Variants in FOXP1 observed in about 807,000 individuals in gnomAD.
FOXP1 encodes the protein forkhead box P1.
In FOXP1, 15 loss-of-function variants were observed where a neutral mutation model predicts 98.2. That is an observed-to-expected ratio of 0.15 (90% CI 0.10 to 0.24). The LOEUF (loss-of-function observed/expected upper bound fraction) is 0.24, where lower values mean the gene tolerates loss of function less well. Ranked by LOEUF, FOXP1 falls within the 10% of genes least tolerant of loss-of-function variation. The pLI is 1.00. For synonymous variants in FOXP1, 371 were observed against 314.5 expected (o/e 1.18, Z -1.90); for missense variants, 633 against 848.5 (o/e 0.75, Z 3.15).
At chr3:71,179,424 A>C (rs2062152881) in intron 6 of FOXP1, among the ~76,000 whole-genome samples, 6 of 152,200 alleles carry the variant, frequency 3.9e-5, no homozygotes, top group Admixed American at 3.9e-4. Flanking sequence ...TAACTGTTTA[A>C]GAATTGTGCC....
intron 2 of FOXP1, among the ~76,000 whole-genome samples, chr3:71,502,321 A>G (rs2107203929): frequency 6.6e-6 from 1 of 152,318 alleles, no homozygotes; most frequent in African/African-American, 2.4e-5. Flanking sequence ...CGGTCAAGTG[A>G]ACAGAGAGCT....
chr3:71,096,137 G>A (rs1244290466), intron 7 of FOXP1, among the ~76,000 whole-genome samples: 1 of 152,238 alleles, frequency 6.6e-6, no homozygotes, highest in East Asian at 1.9e-4. Context: ...TTGCATTGCT[G>A]AAATAAGGTC....
intron 5 of FOXP1, among the ~76,000 whole-genome samples, chr3:71,240,242 G>C (rs796994691): frequency 1.3e-5 from 2 of 152,232 alleles, no homozygotes; most frequent in East Asian, 1.9e-4. Flanking sequence ...CACTGGCTTC[G>C]GCGAGAGCCA....
At chr3:71,018,140 T>C (rs1013594233) in intron 11 of FOXP1, among the ~76,000 whole-genome samples, 3 of 152,206 alleles carry the variant, frequency 2.0e-5, no homozygotes, top group African/African-American at 7.2e-5. Flanking sequence ...TGTGTAGAAT[T>C]TAACACGATG....
At chr3:71,217,471 T>G (rs1451122352) in intron 5 of FOXP1, among the ~76,000 whole-genome samples, 1 of 152,156 alleles carries the variant, frequency 6.6e-6, no homozygotes, top group African/African-American at 2.4e-5. Context: ...TTTAATGATT[T>G]GTGATTTTTT....
At chr3:71,430,181 C>T (rs868836278) in intron 3 of FOXP1, among the ~76,000 whole-genome samples, 4 of 152,102 alleles carry the variant, frequency 2.6e-5, no homozygotes, top group Admixed American at 1.3e-4. Context: ...CCAAAATAGC[C>T]AGCCCATACC....
chr3:71,233,963 G>A (rs185614972), intron 5 of FOXP1, among the ~76,000 whole-genome samples: 29 of 152,078 alleles, frequency 1.9e-4, no homozygotes, highest in East Asian at 9.7e-4. Context: ...TGGAATTGCC[G>A]TTATTATCTG....
intron 4 of FOXP1, among the ~76,000 whole-genome samples, chr3:71,310,556 G>A (rs1012821379): frequency 6.6e-6 from 1 of 152,208 alleles, no homozygotes; most frequent in African/African-American, 2.4e-5. Context: ...CAGGCAGAGG[G>A]CCACGTCTGG....
In FOXP1 at chr3:71,173,383, T is replaced by TCACACACACACA. The variant is rs3064895; in HGVS notation, c.180+24807_180+24818dup. On this transcript the variant is annotated intron_variant, in intron 6 of 20. Coordinates refer to ENST00000649528, the MANE Select transcript of FOXP1 (RefSeq NM_001349338.3). ...TCAATTTAGAAAAAAAAGAAAAAAT[T>TCACACACACACA]CACACACACACACACACACACACAC... is the stretch of plus-strand genomic sequence containing the variant. Among the ~76,000 whole-genome samples, 508 of 143,296 alleles carry TCACACACACACA rather than the reference T, an allele frequency of 3.5e-3. 3 individuals carry two copies. Among genetic ancestry groups the TCACACACACACA allele is most frequent in the East Asian group, 6.3e-3 (30 of 4,732 alleles). 94.0% of individuals were successfully genotyped at this position (143,296 alleles called of 152,430 possible).
chr3:70,954,858 TTC>T lies in FOXP1; in HGVS notation c.*4387_*4388del. ...TTACAGTTGATGTCAAGGAATGAGT[TTC>T]TTTTATGCCTTATCAAAACAAAACA... On this transcript the variant is annotated 3_prime_UTR_variant, in exon 21 of 21. Transcript: ENST00000649528. The T allele has an allele frequency of 4.3e-6, 1 of 232,716 alleles. No individual in the cohort carries two copies. The highest frequency in any genetic ancestry group is 8.5e-6 in the Non-Finnish European group (1 of 117,780). The allele number at this position is 232,716 out of a possible 1,614,324, so 14.4% of individuals were successfully genotyped here.
intron 13 of FOXP1, among the ~76,000 whole-genome samples, chr3:70,997,377 C>A (rs116016427): frequency 1.8e-3 from 275 of 152,170 alleles, no homozygotes; most frequent in African/African-American, 6.4e-3. Flanking sequence ...TGCTGAACTG[C>A]GGAGAAGGAG....
At chr3:71,131,753 G>A (rs1345643548) in intron 6 of FOXP1, among the ~76,000 whole-genome samples, 1 of 152,312 alleles carries the variant, frequency 6.6e-6, no homozygotes, top group East Asian at 1.9e-4. Flanking sequence ...AGCATCTAAA[G>A]CTTATAAAAA....
rs6147878 is a variant in FOXP1, at chr3:71,067,731, T to TACACACACACACACACACACACAC, written c.283-13982_283-13959dup. On this transcript the variant is annotated intron_variant, in intron 7 of 20. Coordinates refer to ENST00000649528, the MANE Select transcript of FOXP1 (RefSeq NM_001349338.3). The stretch of plus-strand genomic sequence containing the variant: ...CACAGTGGGACTCCGTCTCCAAAAA[T>TACACACACACACACACACACACAC]ACACACACACACACACACACACACA... Among the ~76,000 whole-genome samples, 227 of 126,600 alleles carry TACACACACACACACACACACACAC rather than the reference T, an allele frequency of 1.8e-3. 2 individuals are homozygous for TACACACACACACACACACACACAC. Among genetic ancestry groups the TACACACACACACACACACACACAC allele is most frequent in the South Asian group, 2.2e-3 (8 of 3,582 alleles). The allele number at this position is 126,600 out of a possible 152,430, so 83.1% of individuals were successfully genotyped here. A position where few individuals can be genotyped will look rare whatever the true frequency, so the allele number is the denominator to read the frequency against.
intron 7 of FOXP1, among the ~76,000 whole-genome samples, chr3:71,059,747 T>A (rs1018427444): frequency 6.6e-6 from 1 of 152,122 alleles, no homozygotes; most frequent in South Asian, 2.1e-4. Flanking sequence ...GTTTAAGTGC[T>A]GCAAATGGGA....
At chr3:70,977,104 A>G (rs1306229795) in intron 16 of FOXP1, 62 bp from the exon 17 acceptor site, 1 of 1,093,028 alleles carries the variant, frequency 9.1e-7, no homozygotes, top group African/African-American at 1.5e-5. Context: ...GTCATTCCAC[A>G]GTTTCTCGAA....
rs188498272 is a variant in FOXP1 at position 71,182,944 on chromosome 3, A to G, written c.180+15258T>C. Among the ~76,000 whole-genome samples, 7 of 151,978 alleles carry G rather than the reference A, an allele frequency of 4.6e-5. No homozygotes were observed. In the East Asian group the frequency reaches 1.2e-3, roughly 25 times the overall value. ...AGGTTTTTCCCCCAGCAATCATTAC[A>G]TTATGATAATTTTTAAAGTAATTAA... On this transcript the variant is annotated intron_variant, in intron 6 of 20. Coordinates refer to ENST00000649528, the MANE Select transcript of FOXP1 (RefSeq NM_001349338.3).
At chr3:71,072,996 T>A (rs1457163869) in intron 7 of FOXP1, among the ~76,000 whole-genome samples, 1 of 152,242 alleles carries the variant, frequency 6.6e-6, no homozygotes, top group African/African-American at 2.4e-5. Flanking sequence ...TTATTTATTT[T>A]TTATTATTTC....
At chr3:71,582,507 G>C (rs553502433) in intron 1 of FOXP1, 1 of 985,464 alleles carries the variant, frequency 1.0e-6, no homozygotes, top group South Asian at 4.7e-5. Flanking sequence ...GCGAGGGACG[G>C]AGAGCCATCG....
intron 13 of FOXP1, among the ~76,000 whole-genome samples, chr3:70,994,121 C>T (rs1415139398): frequency 6.6e-6 from 1 of 151,774 alleles, no homozygotes; most frequent in Non-Finnish European, 1.5e-5. Context: ...AAATTCGGGA[C>T]ATAAGGCACC....
Sources: allele counts gnomAD v4.1 joint callset (sites outside exome capture counted in the v4.1 genomes callset), GRCh38; gene constraint gnomAD v4.1.1; transcripts MANE v1.5; gene names NCBI Gene and HGNC (gene_info 2026-07-23, HGNC 2026-07-21).